The following THOC2 variants were observed in gnomAD, a reference collection of about 807,000 sequenced individuals.
THOC2 encodes THO complex 2.
A neutral mutation model predicts 128.4 loss-of-function variants in THOC2; 10 were observed. The ratio of observed to expected loss-of-function variants is 0.08; its 90% CI spans 0.05 to 0.13. THOC2 has a LOEUF of 0.13. THOC2 is among the 10% of genes least tolerant of loss of function. The pLI is 1.00. For synonymous variants in THOC2, 393 were observed against 396.9 expected, an observed-to-expected ratio of 0.99 and a Z score of 0.12; for missense variants, 535 against 1,155.7, an observed-to-expected ratio of 0.46 and a Z score of 7.79.
intron 11 of THOC2, among the ~76,000 whole-genome samples, chrX:123,666,149 C>T (rs2049040328): frequency 1.8e-5 from 2 of 111,937 alleles, no homozygotes; most frequent in South Asian, 7.4e-4. Flanking sequence ...CACACACCAT[C>T]TGAATCTGTT....
chrX:123,672,716 A>G (rs1031066609), intron 8 of THOC2, among the ~76,000 whole-genome samples: 1 of 112,235 alleles, frequency 8.9e-6, no homozygotes, highest in Non-Finnish European at 1.9e-5. Flanking sequence ...ACATAGAAAC[A>G]TAAGAATCTT....
Position 123,665,652 on chromosome X carries a change from A to C in THOC2, c.1376T>G (p.Phe459Cys), listed in dbSNP as rs1315115402. 1 of 1,135,343 alleles carries C rather than the reference A, an allele frequency of 8.8e-7. No homozygotes were observed. The highest frequency in any genetic ancestry group is 2.6e-5 in the Admixed American group (1 of 39,179). 93.6% of individuals were successfully genotyped at this position (1,135,343 alleles called of 1,213,427 possible). Residue 459 changes from phenylalanine to cysteine, a missense_variant, in exon 12 of 39, where the codon TTT becomes TGT. Physicochemically the swap from Phe to Cys is radical, Grantham distance 205. Transcript: ENST00000245838. ...FAKVVRIGKS[F>C]MKEFQSDGSK... The stretch of plus-strand genomic sequence containing the variant: ...AAAAATCTTACTTACCTCCTTCATA[A>C]ATGACTTGCCTATGCGCACCACTTT...
chrX:123,662,078 G>A (rs1008646339), intron 12 of THOC2, among the ~76,000 whole-genome samples: 49 of 112,213 alleles, frequency 4.4e-4, no homozygotes, highest in African/African-American at 1.3e-3. Flanking sequence ...CACAATAGCC[G>A]TTAGTATTTC....
At chrX:123,661,307 A>G (rs1296375820) in intron 12 of THOC2, among the ~76,000 whole-genome samples, 3 of 111,443 alleles carry the variant, frequency 2.7e-5, no homozygotes, top group Admixed American at 9.5e-5. Flanking sequence ...CGGGAGGCTG[A>G]AGCAGGAGAA....
intron 30 of THOC2, 118 bp downstream of exon 30, chrX:123,622,640 G>T: frequency 4.3e-6 from 2 of 469,715 alleles, no homozygotes. Flanking sequence ...ATCGCTTGAG[G>T]CCAGAAGTTC....
At chrX:123,613,158 GGGAAT>G (rs1403752288) in intron 36 of THOC2, among the ~76,000 whole-genome samples, 1 of 110,679 alleles carries the variant, frequency 9.0e-6, no homozygotes, top group Non-Finnish European at 1.9e-5. Flanking sequence ...AGAAGTAGGT[GGGAAT>G]GGAATGGAGA....
At chrX:123,699,689 TC>T (rs2050612439) in intron 4 of THOC2, among the ~76,000 whole-genome samples, 2 of 111,697 alleles carry the variant, frequency 1.8e-5, no homozygotes. Context: ...GGCAGATTCA[TC>T]CTCTTCAAGT....
intron 5 of THOC2, 152 bp downstream of exon 5, chrX:123,697,529 T>C (rs2050494924): frequency 9.7e-6 from 4 of 411,228 alleles, no homozygotes; most frequent in Non-Finnish European, 8.4e-6. Context: ...CAGCATGTCT[T>C]ATTTCACAAA....
At chrX:123,633,160 T>C in intron 20 of THOC2, 120 bp from the exon 21 acceptor site, 1 of 418,980 alleles carries the variant, frequency 2.4e-6, no homozygotes, top group Non-Finnish European at 3.9e-6. Context: ...CATTCCACAT[T>C]CCTTCCCTTA....
At chrX:123,731,823 G>A (rs1603351255) in intron 1 of THOC2, among the ~76,000 whole-genome samples, 1 of 111,423 alleles carries the variant, frequency 9.0e-6, no homozygotes, top group Non-Finnish European at 1.9e-5. Context: ...CTCGTGTTTC[G>A]TTCCAAGTAA....
intron 4 of THOC2, among the ~76,000 whole-genome samples, chrX:123,698,255 CA>C (rs755442813): frequency 5.4e-5 from 6 of 110,268 alleles, no homozygotes; most frequent in Non-Finnish European, 9.5e-5. Context: ...GTCAGGAGTT[CA>C]AGACCAGCCT....
At chrX:123,606,855 C>T (rs561515018) in intron 38 of THOC2, among the ~76,000 whole-genome samples, 2 of 111,269 alleles carry the variant, frequency 1.8e-5, no homozygotes, top group South Asian at 7.7e-4. Context: ...CAAAGTCCTA[C>T]ATCCAAAATA....
intron 26 of THOC2, 97 bp downstream of exon 26, chrX:123,624,444 T>C (rs2047187744): frequency 1.1e-6 from 1 of 942,977 alleles, no homozygotes; most frequent in African/African-American, 2.0e-5. Context: ...AACTGAATCT[T>C]AAACTCAGCT....
At chrX:123,687,845 A>G (rs1401890967) in intron 7 of THOC2, among the ~76,000 whole-genome samples, 1 of 111,887 alleles carries the variant, frequency 8.9e-6, no homozygotes, top group Non-Finnish European at 1.9e-5. Context: ...AGCAGTGATC[A>G]TGTCTTACTC....
At chrX:123,651,347 G>A (rs1265180513) in intron 12 of THOC2, among the ~76,000 whole-genome samples, 9 of 111,545 alleles carry the variant, frequency 8.1e-5, no homozygotes, top group Non-Finnish European at 1.7e-4. Context: ...AGGAGAAAGC[G>A]GAAAAGATCT....
At chrX:123,730,359 G>A (rs754485424) in intron 1 of THOC2, among the ~76,000 whole-genome samples, 1 of 108,597 alleles carries the variant, frequency 9.2e-6, no homozygotes, top group Non-Finnish European at 1.9e-5. Flanking sequence ...TGTACTTTTA[G>A]TAGAGATGGG....
rs979471831 is a variant in THOC2 at position 123,632,868 on chromosome X, T to C, written c.2309A>G (p.Tyr770Cys). Residue 770 changes from tyrosine to cysteine, a missense_variant, in exon 21 of 39, where the codon TAT becomes TGT. This residue lies in a region of THOC2 where 90 missense variants were observed against 298.6 expected (regional missense o/e 0.30). Coordinates refer to ENST00000245838, the MANE Select transcript of THOC2 (RefSeq NM_001081550.2). ...EKHLKLVGKLYDQCHDTLVQF... is the reference protein window; with the variant it reads ...EKHLKLVGKLCDQCHDTLVQF... ...AAAGCCACTTTAACTTGCCTGGTCA[T>C]AGAGCTTTCCCACAAGTTTCAAATG... The C allele has an allele frequency of 8.3e-7, 1 of 1,205,497 alleles. No homozygotes were observed. Among genetic ancestry groups the C allele is most frequent in the Non-Finnish European group, 1.1e-6 (1 of 891,802 alleles).
intron 15 of THOC2, among the ~76,000 whole-genome samples, chrX:123,642,574 C>T (rs1225679766): frequency 9.0e-6 from 1 of 110,512 alleles, no homozygotes; most frequent in Non-Finnish European, 1.9e-5. Context: ...CAGAACAGTA[C>T]TTATATGCTA....
At chrX:123,648,674 C>T (rs1003048102) in intron 12 of THOC2, among the ~76,000 whole-genome samples, 1 of 112,099 alleles carries the variant, frequency 8.9e-6, no homozygotes. Flanking sequence ...GGGTTTTCCC[C>T]TCACAGTGTA....
Sources: allele counts gnomAD v4.1 joint callset (sites outside exome capture counted in the v4.1 genomes callset), GRCh38; gene constraint gnomAD v4.1.1; regional missense constraint gnomAD v4.1.1; transcripts MANE v1.5; gene names NCBI Gene and HGNC (gene_info 2026-07-23, HGNC 2026-07-21).